Variants in DACH2 observed in about 807,000 individuals in gnomAD.
DACH2 encodes the protein dachshund homolog 2.
DACH2 carries 17 observed loss-of-function variants against 35.8 expected under a neutral mutation model. The ratio of observed to expected loss-of-function variants is 0.48; its 90% confidence interval spans 0.33 to 0.71. DACH2 has a LOEUF of 0.71. Ranked by LOEUF, DACH2 falls within the 30% of genes least tolerant of loss-of-function variation. DACH2 has a pLI of 0.02. For missense variants in DACH2, 469 were observed against 472.7 expected (o/e 0.99, Z 0.07); for synonymous variants, 195 against 177.3 (o/e 1.10, Z -0.79).
intron 2 of DACH2, among the ~76,000 whole-genome samples, chrX:86,419,169 G>A (rs1289388938): frequency 9.0e-6 from 1 of 111,445 alleles, no homozygotes; most frequent in Non-Finnish European, 1.9e-5. Flanking sequence ...GTCTTCTTCT[G>A]AGCCCTCCAA....
intron 1 of DACH2, among the ~76,000 whole-genome samples, chrX:86,191,976 T>G (rs2031847249): frequency 9.0e-6 from 1 of 111,623 alleles, no homozygotes; most frequent in Non-Finnish European, 1.9e-5. Context: ...AAATCTTTAC[T>G]GATTAGTCTT....
intron 3 of DACH2, among the ~76,000 whole-genome samples, chrX:86,550,904 C>G (rs906401268): frequency 3.6e-5 from 4 of 111,520 alleles, no homozygotes; most frequent in Admixed American, 2.9e-4. Flanking sequence ...ATGACTGTTT[C>G]AACAAGCTTT....
intron 1 of DACH2, among the ~76,000 whole-genome samples, chrX:86,329,933 G>A (rs933465921): frequency 4.5e-5 from 5 of 111,554 alleles, no homozygotes; most frequent in Non-Finnish European, 9.4e-5. Context: ...TTTATTTGGG[G>A]CTAGTGTTTG....
At chrX:86,462,273 C>A (rs2037587681) in intron 2 of DACH2, among the ~76,000 whole-genome samples, 1 of 111,757 alleles carries the variant, frequency 8.9e-6, no homozygotes, top group Admixed American at 9.5e-5. Flanking sequence ...CTCTTTGATG[C>A]ATTTTTATAT....
chrX:86,542,161 G>A (rs759659904), intron 3 of DACH2, among the ~76,000 whole-genome samples: 41 of 111,453 alleles, frequency 3.7e-4, no homozygotes, highest in Middle Eastern at 9.3e-3. Context: ...CCACCAGACA[G>A]TTAGGGATAG....
intron 7 of DACH2, among the ~76,000 whole-genome samples, chrX:86,808,449 A>AAC (rs1374086060): frequency 9.0e-6 from 1 of 111,453 alleles, no homozygotes; most frequent in Non-Finnish European, 1.9e-5. Flanking sequence ...AAAGAAATAC[A>AAC]ACAATTTGGG....
intron 1 of DACH2, among the ~76,000 whole-genome samples, chrX:86,257,191 GTGT>G (rs1174729184): frequency 1.8e-5 from 2 of 111,041 alleles, no homozygotes; most frequent in East Asian, 5.7e-4. Flanking sequence ...GTATTTTTAG[GTGT>G]TGTTAGTATC....
rs757654364 is a variant in DACH2, at chrX:86,730,881, A to C, written c.1105-8866A>C. Among the ~76,000 whole-genome samples the C allele has an allele frequency of 3.1e-4, 34 of 111,096 alleles. 1 individual carries two copies. Among genetic ancestry groups the C allele is most frequent in the African/African-American group, 1.1e-3 (33 of 30,654 alleles). On this transcript the variant is annotated intron_variant, in intron 6 of 11. Coordinates refer to ENST00000373125, the MANE Select transcript of DACH2 (RefSeq NM_053281.3). The stretch of plus-strand genomic sequence containing the variant: ...ATACTGAGTGATTTGTTAGAGTGCT[A>C]TTTTTGTCTCTTATTTTTCACATTC...
At chrX:86,248,697 C>A (rs1484347644) in intron 1 of DACH2, among the ~76,000 whole-genome samples, 1 of 110,488 alleles carries the variant, frequency 9.1e-6, no homozygotes, top group Non-Finnish European at 1.9e-5. Context: ...AAAATTGTTC[C>A]AGAATTCATA....
intron 1 of DACH2, among the ~76,000 whole-genome samples, chrX:86,310,548 C>T (rs756742164): frequency 1.8e-5 from 2 of 111,729 alleles, no homozygotes; most frequent in South Asian, 3.8e-4. Context: ...CCTGAAGGAC[C>T]GTGGTGAAGG....
intron 3 of DACH2, among the ~76,000 whole-genome samples, chrX:86,599,113 T>A (rs910154082): frequency 2.9e-4 from 32 of 111,216 alleles, no homozygotes; most frequent in African/African-American, 1.0e-3. Flanking sequence ...TTCATCCATG[T>A]CCCTACAAAG....
intron 1 of DACH2, among the ~76,000 whole-genome samples, chrX:86,149,451 T>G (rs2030284407): frequency 8.9e-6 from 1 of 112,200 alleles, no homozygotes; most frequent in Non-Finnish European, 1.9e-5. Flanking sequence ...CCTGCTCTTT[T>G]GTGGCCGCAC....
rs193190660 is a variant in DACH2 at position 86,171,958 on chromosome X, C to T, written c.488+22850C>T. On this transcript the variant is annotated intron_variant, in intron 1 of 11. Transcript: ENST00000373125. ...GGATTAAAATTTGCCTTTGGGTACA[C>T]GTGTGAAGTTCTTATTGTATTCAGT... Among the ~76,000 whole-genome samples, 335 of 111,498 alleles carry T rather than the reference C, an allele frequency of 3.0e-3. 2 individuals are homozygous for T. The highest frequency in any genetic ancestry group is 0.01 in the African/African-American group (321 of 30,699).
chrX:86,596,490 C>G (rs2148354150), intron 3 of DACH2, among the ~76,000 whole-genome samples: 1 of 111,274 alleles, frequency 9.0e-6, no homozygotes, highest in South Asian at 3.8e-4. Flanking sequence ...TTTTCTTGTT[C>G]TTATTGGCCA....
intron 3 of DACH2, among the ~76,000 whole-genome samples, chrX:86,598,609 G>A (rs1200668224): frequency 9.0e-6 from 1 of 110,551 alleles, no homozygotes; most frequent in African/African-American, 3.3e-5. Flanking sequence ...ATCCTTGCTG[G>A]TTAACAAGCT....
chrX:86,631,600 T>C (rs2148388327), intron 3 of DACH2, among the ~76,000 whole-genome samples: 1 of 112,238 alleles, frequency 8.9e-6, no homozygotes, highest in Non-Finnish European at 1.9e-5. Flanking sequence ...GTGTTATTTT[T>C]AAAATATAAA....
intron 1 of DACH2, among the ~76,000 whole-genome samples, chrX:86,252,985 T>C (rs867378724): frequency 5.6e-4 from 62 of 110,964 alleles, no homozygotes; most frequent in African/African-American, 2.0e-3. Context: ...TGTCACTGTT[T>C]GCAGATGATA....
At chrX:86,161,568 C>T (rs181950870) in intron 1 of DACH2, among the ~76,000 whole-genome samples, 335 of 111,990 alleles carry the variant, frequency 3.0e-3, no homozygotes, top group Non-Finnish European at 4.9e-3. Context: ...TTTTGTGAAG[C>T]GTTTCTACTC....
intron 6 of DACH2, among the ~76,000 whole-genome samples, chrX:86,731,054 A>G (rs1005217116): frequency 3.6e-5 from 4 of 111,706 alleles, no homozygotes; most frequent in African/African-American, 1.3e-4. Context: ...CTTATTCATG[A>G]ACTTAATATT....
Sources: gnomAD v4.1 joint callset for allele counts (sites outside exome capture counted in the v4.1 genomes callset) on GRCh38, gnomAD v4.1.1 for gene constraint, MANE v1.5 for transcripts, NCBI Gene and HGNC (gene_info 2026-07-23, HGNC 2026-07-21) for gene names.